TASP1: variants seen among roughly 807,000 people sequenced by gnomAD.
TASP1 encodes threonine aspartase 1.
A neutral mutation model predicts 56.6 loss-of-function variants in TASP1; 16 were observed. That is an observed-to-expected ratio of 0.28 (90% CI 0.19 to 0.43). The LOEUF (loss-of-function observed/expected upper bound fraction) is 0.43, where lower values mean the gene tolerates loss of function less well. Ranked by LOEUF, TASP1 falls within the 20% of genes least tolerant of loss-of-function variation. The probability of loss-of-function intolerance (pLI) is 1.00; values close to 1 mark genes in which losing one functional copy is unlikely to be tolerated. For missense variants in TASP1, 393 were observed against 511.6 expected, an observed-to-expected ratio of 0.77 and a Z score of 2.24; for synonymous variants, 179 against 184.2, an observed-to-expected ratio of 0.97 and a Z score of 0.23.
chr20:13,356,853 A>G, the TASP1 span, among the ~76,000 whole-genome samples: 3 of 152,230 alleles, frequency 2.0e-5, no homozygotes, highest in African/African-American at 4.8e-5. Flanking sequence ...GCAGTAAGTA[A>G]TAAACCCAGC....
chr20:13,343,538 C>A, the TASP1 span, among the ~76,000 whole-genome samples: 4 of 152,214 alleles, frequency 2.6e-5, no homozygotes, highest in East Asian at 7.7e-4. Context: ...GCGGTTCCAC[C>A]GCTTCCAGGC....
At chr20:13,521,217 G>A (rs1258036587) in intron 10 of TASP1, among the ~76,000 whole-genome samples, 7 of 152,198 alleles carry the variant, frequency 4.6e-5, no homozygotes, top group South Asian at 4.2e-4. Flanking sequence ...TCAGTGTGGC[G>A]ATTCCTCAGG....
chr20:13,170,776 C>T, the TASP1 span, among the ~76,000 whole-genome samples: 1 of 152,328 alleles, frequency 6.6e-6, no homozygotes, highest in East Asian at 1.9e-4. Flanking sequence ...CCAATCATCA[C>T]ATCGTGCTCT....
chr20:13,169,381 A>G, the TASP1 span, among the ~76,000 whole-genome samples: 6 of 152,178 alleles, frequency 3.9e-5, no homozygotes, highest in African/African-American at 9.7e-5. Context: ...TTACTAGCAC[A>G]CCACTGAGAC....
chr20:13,176,453 A>G, the TASP1 span, among the ~76,000 whole-genome samples: 1 of 152,216 alleles, frequency 6.6e-6, no homozygotes, highest in South Asian at 2.1e-4. Context: ...CTTTTTCTGC[A>G]TCTATCAAGG....
chr20:13,328,353 TTGG>T, the TASP1 span, among the ~76,000 whole-genome samples: 1 of 152,184 alleles, frequency 6.6e-6, no homozygotes, highest in Non-Finnish European at 1.5e-5. Flanking sequence ...TGTTACATTG[TTGG>T]TGGGAGTGTA....
Position 13,623,303 on chromosome 20 carries a change from T to A in TASP1, c.282+143A>T, listed in dbSNP as rs1387013798. ...GTCACCAATGAAAACAACAATATCA[T>A]AGGCTTCTTCATAACTTTGCTAATA... On this transcript the variant is annotated intron_variant, in intron 4 of 13. Transcript: ENST00000337743. 4 of 547,158 alleles carry A rather than the reference T, an allele frequency of 7.3e-6. No individual in the cohort carries two copies. In the Admixed American group the frequency reaches 1.4e-4, roughly 19 times the overall value. The allele number at this position is 547,158 out of a possible 1,614,324, so 33.9% of individuals were successfully genotyped here. A position where few individuals can be genotyped will look rare whatever the true frequency, so the allele number is the denominator to read the frequency against.
chr20:13,266,981 C>T, the TASP1 span, among the ~76,000 whole-genome samples: 2 of 152,166 alleles, frequency 1.3e-5, no homozygotes, highest in East Asian at 3.8e-4. Context: ...AGGTTTTCTT[C>T]TGCATTACTA....
chr20:13,289,980 C>T, the TASP1 span, among the ~76,000 whole-genome samples: 2 of 152,006 alleles, frequency 1.3e-5, no homozygotes, highest in African/African-American at 2.4e-5. Flanking sequence ...ACATTTGGAA[C>T]AAAGGAGAAA....
At position 13,542,824 on chromosome 20, in the gene TASP1, G is replaced by A. The variant is rs12481107; in HGVS notation, c.676-8683C>T. On this transcript the variant is annotated intron_variant, in intron 8 of 13. Coordinates refer to ENST00000337743, the MANE Select transcript of TASP1 (RefSeq NM_017714.3). ...TCAAAACTTGTGGGATACAGTAAAA[G>A]TAGTACTAAGAGGGAAATTTATGTC... Among the ~76,000 whole-genome samples, 498 of 152,004 alleles carry A rather than the reference G, an allele frequency of 3.3e-3. 2 individuals are homozygous for A. Among genetic ancestry groups the A allele is most frequent in the East Asian group, 0.011 (59 of 5,174 alleles).
rs1600161472 is a variant in TASP1 at position 13,611,358 on chromosome 20, C to T, written c.282+12088G>A. Among the ~76,000 whole-genome samples, 2 of 152,056 alleles carry T rather than the reference C, an allele frequency of 1.3e-5. 1 individual carries two copies. Among genetic ancestry groups the T allele is most frequent in the South Asian group, 4.1e-4 (2 of 4,822 alleles). ...TTTGGTTCAACCTTATTTGGGTCAC[C>T]GAGGTTTTTGATCTGCTTTAGCTTC... On this transcript the variant is annotated intron_variant, in intron 4 of 13. Coordinates refer to ENST00000337743, the MANE Select transcript of TASP1 (RefSeq NM_017714.3).
the TASP1 span, among the ~76,000 whole-genome samples, chr20:13,221,026 G>C: frequency 6.6e-6 from 1 of 152,212 alleles, no homozygotes; most frequent in South Asian, 2.1e-4. Flanking sequence ...GCCAAACCGT[G>C]ACAACCTCGG....
chr20:13,508,190 ATT>A (rs58400670), intron 10 of TASP1, among the ~76,000 whole-genome samples: 22 of 148,804 alleles, frequency 1.5e-4, no homozygotes, highest in African/African-American at 2.0e-4. Flanking sequence ...GTTGGAAATG[ATT>A]TTTTTTTTTT....
the TASP1 span, among the ~76,000 whole-genome samples, chr20:13,112,710 C>T: frequency 6.6e-6 from 1 of 152,194 alleles, no homozygotes; most frequent in Non-Finnish European, 1.5e-5. Flanking sequence ...GAGACCAAGA[C>T]CTAAAAGGCC....
At chr20:13,371,809 AT>A in the TASP1 span, among the ~76,000 whole-genome samples, 3 of 152,148 alleles carry the variant, frequency 2.0e-5, no homozygotes, top group African/African-American at 7.2e-5. Context: ...TCAGTCATGT[AT>A]TTTGGGATTC....
At chr20:13,212,421 T>C in the TASP1 span, among the ~76,000 whole-genome samples, 1 of 152,192 alleles carries the variant, frequency 6.6e-6, no homozygotes, top group East Asian at 1.9e-4. Flanking sequence ...TAGCAACCAA[T>C]GTTACTTTCC....
chr20:13,635,259 C>T (rs901598632), intron 1 of TASP1, among the ~76,000 whole-genome samples: 3 of 152,170 alleles, frequency 2.0e-5, no homozygotes, highest in African/African-American at 7.2e-5. Context: ...ATGGCATTTT[C>T]TTAATCTTCT....
At chr20:13,174,115 T>C in the TASP1 span, among the ~76,000 whole-genome samples, 1 of 152,202 alleles carries the variant, frequency 6.6e-6, no homozygotes. Context: ...AATGTGTATA[T>C]ATGTGAATGA....
At chr20:13,336,385 T>C in the TASP1 span, among the ~76,000 whole-genome samples, 1 of 152,184 alleles carries the variant, frequency 6.6e-6, no homozygotes, top group Non-Finnish European at 1.5e-5. Flanking sequence ...TGCCTCCTCT[T>C]ATCTCCCAGG....
Sources: gnomAD v4.1 joint callset for allele counts (sites outside exome capture counted in the v4.1 genomes callset) on GRCh38, gnomAD v4.1.1 for gene constraint, MANE v1.5 for transcripts, NCBI Gene and HGNC (gene_info 2026-07-23, HGNC 2026-07-21) for gene names.